FARS2: variants seen among roughly 807,000 people sequenced by gnomAD.
The protein encoded by FARS2 is phenylalanine--tRNA ligase, mitochondrial.
Under a neutral mutation model 46.4 loss-of-function variants are expected in FARS2, and 40 were observed. The ratio of observed to expected loss-of-function variants is 0.86; its 90% confidence interval spans 0.67 to 1.12. The LOEUF (loss-of-function observed/expected upper bound fraction) is 1.12. FARS2 is among the 50% of genes most tolerant of loss of function. The pLI, the probability that FARS2 is intolerant of heterozygous loss-of-function variation, is 0.00. For synonymous variants in FARS2, 234 were observed against 214.9 expected (o/e 1.09, Z -0.78); for missense variants, 513 against 567.9 (o/e 0.90, Z 0.98).
At chr6:5,426,813 ATGGGGTT>A (rs1762881437) in intron 3 of FARS2, among the ~76,000 whole-genome samples, 1 of 152,164 alleles carries the variant, frequency 6.6e-6, no homozygotes, top group Non-Finnish European at 1.5e-5. Flanking sequence ...TTTAGTAGAG[ATGGGGTT>A]TCACCATGTT....
intron 4 of FARS2, among the ~76,000 whole-genome samples, chr6:5,462,287 C>G (rs1765286863): frequency 6.6e-6 from 1 of 151,922 alleles, no homozygotes; most frequent in South Asian, 2.1e-4. Context: ...TTTATATATT[C>G]TAGATATAAG....
intron 4 of FARS2, among the ~76,000 whole-genome samples, chr6:5,454,381 G>A (rs532169126): frequency 7.3e-4 from 110 of 151,554 alleles, no homozygotes; most frequent in Non-Finnish European, 1.2e-3. Context: ...TCACTCTGTC[G>A]CCCAGGCTGG....
chr6:5,510,068 A>G (rs894345713), intron 4 of FARS2, among the ~76,000 whole-genome samples: 3 of 152,148 alleles, frequency 2.0e-5, no homozygotes, highest in Non-Finnish European at 2.9e-5. Flanking sequence ...AGAAGGCAGC[A>G]CCGCTAGATT....
intron 4 of FARS2, chr6:5,467,116 A>T: frequency 1.0e-6 from 1 of 981,128 alleles, no homozygotes; most frequent in Non-Finnish European, 1.2e-6. Context: ...TGAGCCCTCC[A>T]TTTTTAAGAA....
chr6:5,330,988 C>T (rs1193436752), intron 1 of FARS2, among the ~76,000 whole-genome samples: 6 of 151,588 alleles, frequency 4.0e-5, no homozygotes, highest in South Asian at 4.2e-4. Flanking sequence ...GTCTGTAGTC[C>T]GAGCTACTTG....
chr6:5,737,658 G>A (rs935745801), intron 6 of FARS2, among the ~76,000 whole-genome samples: 1 of 152,210 alleles, frequency 6.6e-6, no homozygotes, highest in African/African-American at 2.4e-5. Context: ...CCAGCCTAGA[G>A]GTGGTCATGT....
At chr6:5,277,754 T>C (rs190372873) in intron 1 of FARS2, among the ~76,000 whole-genome samples, 1 of 152,348 alleles carries the variant, frequency 6.6e-6, no homozygotes, top group Admixed American at 6.5e-5. Context: ...TTATATATCA[T>C]GATTGATAAT....
intron 6 of FARS2, among the ~76,000 whole-genome samples, chr6:5,695,496 G>A (rs1238608983): frequency 6.6e-6 from 1 of 152,248 alleles, no homozygotes; most frequent in Non-Finnish European, 1.5e-5. Flanking sequence ...CACTTCCTGT[G>A]TGCCGTGCAC....
chr6:5,280,312 C>T (rs979150836), intron 1 of FARS2, among the ~76,000 whole-genome samples: 18 of 152,170 alleles, frequency 1.2e-4, no homozygotes, highest in African/African-American at 4.1e-4. Flanking sequence ...CTCATTTAAG[C>T]CTATTCTCTT....
At chr6:5,500,482 A>G (rs1313524840) in intron 4 of FARS2, among the ~76,000 whole-genome samples, 1 of 152,200 alleles carries the variant, frequency 6.6e-6, no homozygotes, top group East Asian at 1.9e-4. Context: ...GGCCAGCCAC[A>G]CCAGCGGAGG....
chr6:5,539,500 A>G (rs375925123), intron 4 of FARS2, among the ~76,000 whole-genome samples: 186 of 151,218 alleles, frequency 1.2e-3, no homozygotes, highest in Non-Finnish European at 2.0e-3. Context: ...CCAAAGTGCT[A>G]GGATTACAGG....
At chr6:5,610,419 C>A (rs115920031) in intron 5 of FARS2, among the ~76,000 whole-genome samples, 1,686 of 151,112 alleles carry the variant, frequency 0.011, 36 homozygotes, top group African/African-American at 0.039. Flanking sequence ...CAATTGTAGT[C>A]AAAAATATTT....
intron 4 of FARS2, among the ~76,000 whole-genome samples, chr6:5,473,574 T>C (rs1187595646): frequency 1.3e-5 from 2 of 151,074 alleles, no homozygotes; most frequent in South Asian, 2.1e-4. Flanking sequence ...AATACCCTGC[T>C]CCTGATTCAG....
At chr6:5,414,466 T>C (rs1762105516) in intron 3 of FARS2, among the ~76,000 whole-genome samples, 3 of 152,230 alleles carry the variant, frequency 2.0e-5, no homozygotes, top group African/African-American at 7.2e-5. Flanking sequence ...TTTCTGTTAC[T>C]ATAGGTTGGT....
intron 4 of FARS2, among the ~76,000 whole-genome samples, chr6:5,459,057 G>A (rs539236068): frequency 2.6e-5 from 4 of 152,290 alleles, no homozygotes; most frequent in South Asian, 2.1e-4. Context: ...TTTGTGAAAC[G>A]TTAACATTGT....
intron 6 of FARS2, among the ~76,000 whole-genome samples, chr6:5,729,556 A>G (rs1196389650): frequency 6.6e-6 from 1 of 152,176 alleles, no homozygotes; most frequent in Non-Finnish European, 1.5e-5. Flanking sequence ...GATGAGGTTT[A>G]TGCTCATTGT....
At chr6:5,429,613 C>T (rs1393422006) in intron 3 of FARS2, among the ~76,000 whole-genome samples, 1 of 152,010 alleles carries the variant, frequency 6.6e-6, no homozygotes, top group Non-Finnish European at 1.5e-5. Context: ...CAACACCAGC[C>T]TGGTCAACAC....
At chr6:5,709,704 GCA>G (rs1412423130) in intron 6 of FARS2, among the ~76,000 whole-genome samples, 399 of 38,790 alleles carry the variant, frequency 0.01, 17 homozygotes, top group East Asian at 0.049. Context: ...GTGTGCGCAT[GCA>G]CGTGCATGTT....
At chr6:5,587,743 T>C (rs1253081580) in intron 5 of FARS2, among the ~76,000 whole-genome samples, 1 of 152,202 alleles carries the variant, frequency 6.6e-6, no homozygotes, top group South Asian at 2.1e-4. Context: ...TTGGGTCAAA[T>C]ATCCCATACT....
Sources: gnomAD v4.1 joint callset for allele counts (sites outside exome capture counted in the v4.1 genomes callset) on GRCh38, gnomAD v4.1.1 for gene constraint, MANE v1.5 for transcripts, NCBI Gene and HGNC (gene_info 2026-07-23, HGNC 2026-07-21) for gene names.